Variants in RASA3 observed in about 807,000 individuals in gnomAD.
The protein encoded by RASA3 is ras GTPase-activating protein 3.
RASA3 carries 73 observed loss-of-function variants against 110.0 expected under a neutral mutation model. The ratio of observed to expected loss-of-function variants is 0.66; its 90% confidence interval spans 0.55 to 0.81. The LOEUF (loss-of-function observed/expected upper bound fraction) is 0.81, where lower values mean the gene tolerates loss of function less well. Ranked by LOEUF, RASA3 falls within the 30% of genes least tolerant of loss-of-function variation. The pLI is 0.00. For synonymous variants in RASA3, 500 were observed against 451.4 expected (o/e 1.11, Z -1.37); for missense variants, 976 against 1,113.2 (o/e 0.88, Z 1.75).
At chr13:114,117,227 G>A (rs113688462) in intron 1 of RASA3, among the ~76,000 whole-genome samples, 2 of 88,560 alleles carry the variant, frequency 2.3e-5, no homozygotes, top group Non-Finnish European at 5.3e-5. Context: ...TGTGTGAGGG[G>A]TGCATGTGTG....
chr13:114,050,049 G>A (rs2079118430), intron 3 of RASA3, among the ~76,000 whole-genome samples: 2 of 152,230 alleles, frequency 1.3e-5, no homozygotes, highest in Admixed American at 6.5e-5. Flanking sequence ...CCGGAGGCAG[G>A]AGGGAGAACT....
At chr13:114,122,896 G>C (rs1225372362) in intron 1 of RASA3, among the ~76,000 whole-genome samples, 2 of 152,190 alleles carry the variant, frequency 1.3e-5, no homozygotes, top group Non-Finnish European at 2.9e-5. Flanking sequence ...CCCAGCCAAC[G>C]CTGCATGAGA....
At chr13:114,050,752 CCTCT>C (rs143632562) in intron 3 of RASA3, among the ~76,000 whole-genome samples, 2 of 152,146 alleles carry the variant, frequency 1.3e-5, no homozygotes, top group Non-Finnish European at 2.9e-5. Context: ...TCTCATGCCC[CCTCT>C]CTCTCTCAAC....
intron 18 of RASA3, among the ~76,000 whole-genome samples, chr13:114,002,085 C>T (rs764005528): frequency 1.8e-4 from 28 of 152,232 alleles, no homozygotes; most frequent in African/African-American, 2.7e-4. Flanking sequence ...TGACCAGAAC[C>T]GGCGGCCGAG....
Position 114,015,192 on chromosome 13 carries a change from G to C in RASA3, c.1405+17C>G, listed in dbSNP as rs769594834. On this transcript the variant is annotated intron_variant, in intron 14 of 23. Coordinates refer to ENST00000334062, the MANE Select transcript of RASA3 (RefSeq NM_007368.4). ...ATGGCAGTTTCTCAGCAACATGAGG[G>C]TGTTCAGGGCACTCACCCTGGAAGC... The C allele has an allele frequency of 6.2e-7, 1 of 1,612,478 alleles. No homozygotes were observed. The highest frequency in any genetic ancestry group is 8.5e-7 in the Non-Finnish European group (1 of 1,179,892).
At chr13:114,077,645 C>T (rs1230025782) in intron 1 of RASA3, among the ~76,000 whole-genome samples, 2 of 147,262 alleles carry the variant, frequency 1.4e-5, no homozygotes, top group African/African-American at 2.5e-5. Flanking sequence ...ACCAACGCAC[C>T]GGATTCATCC....
In RASA3 at chr13:113,994,809, A is replaced by G. The variant is rs116608599; in HGVS notation, c.2141+1722T>C. Among the ~76,000 whole-genome samples, 947 of 152,308 alleles carry G rather than the reference A, an allele frequency of 6.2e-3. 11 individuals are homozygous for G. The highest frequency in any genetic ancestry group is 0.021 in the African/African-American group (891 of 41,554). ...AACGTGGTGAAACCCCGTTTCTACA[A>G]AAAACCTTAAAACAATTAGCCTGGA... is the stretch of plus-strand genomic sequence containing the variant. On this transcript the variant is annotated intron_variant, in intron 21 of 23. Transcript: ENST00000334062.
chr13:114,078,106 G>GGCT, intron 1 of RASA3: 1 of 722,036 alleles, frequency 1.4e-6, no homozygotes, highest in Non-Finnish European at 1.7e-6. Flanking sequence ...GGAGGGCTGG[G>GGCT]GCTGCTGCAG....
chr13:114,027,347 GTGCAGAGTTTC>G (rs1300839272), intron 7 of RASA3, 31 bp downstream of exon 7: 1 of 1,451,608 alleles, frequency 6.9e-7, no homozygotes, highest in Non-Finnish European at 9.7e-7. Context: ...CGTGTCTCGG[GTGCAGAGTTTC>G]CACTTAACGT....
intron 1 of RASA3, among the ~76,000 whole-genome samples, chr13:114,102,938 G>A (rs929583989): frequency 4.6e-5 from 7 of 151,274 alleles, no homozygotes; most frequent in African/African-American, 1.7e-4. Context: ...TCCAGCCCCA[G>A]GCAGGTGGGC....
Position 114,013,863 on chromosome 13 carries a change from C to CCT in RASA3, c.1406-617_1406-616dup, listed in dbSNP as rs148021593. On this transcript the variant is annotated intron_variant, in intron 14 of 23. Transcript: ENST00000334062. ...CTCTCTCCATCTCTCTGTCTCTCTC[C>CCT]CTGTCTCTCTCCCTATCTCTGTCTC... Among the ~76,000 whole-genome samples the CCT allele has an allele frequency of 2.4e-3, 297 of 122,770 alleles. 17 individuals carry two copies. Among genetic ancestry groups the CCT allele is most frequent in the Middle Eastern group, 6.7e-3 (1 of 150 alleles). The allele number at this position is 122,770 out of a possible 152,430, so 80.5% of individuals were successfully genotyped here. A position where few individuals can be genotyped will look rare whatever the true frequency, so the allele number is the denominator to read the frequency against.
Position 113,991,271 on chromosome 13 carries a change from A to T in RASA3, c.2245+1214T>A, listed in dbSNP as rs113815761. Among the ~76,000 whole-genome samples, 872 of 147,930 alleles carry T rather than the reference A, an allele frequency of 5.9e-3. 37 individuals carry two copies. The highest frequency in any genetic ancestry group is 0.017 in the African/African-American group (683 of 39,904). On this transcript the variant is annotated intron_variant, in intron 22 of 23. Coordinates refer to ENST00000334062, the MANE Select transcript of RASA3 (RefSeq NM_007368.4). ...CACCCAGGGCGTGTGGGGCTGGAGA[A>T]CAGGCGTGGCCAAGCTCACAGATGG...
chr13:114,093,720 T>C (rs376615331), intron 1 of RASA3, among the ~76,000 whole-genome samples: 19 of 152,318 alleles, frequency 1.2e-4, no homozygotes, highest in African/African-American at 4.3e-4. Flanking sequence ...CCCATAGATC[T>C]TGTAAGCTTT....
chr13:113,991,945 A>T (rs1211689331), intron 22 of RASA3, among the ~76,000 whole-genome samples: 3 of 150,590 alleles, frequency 2.0e-5, no homozygotes, highest in African/African-American at 7.3e-5. Context: ...CCATACATTC[A>T]CACACACTCA....
chr13:114,018,527 C>T (rs74116430), intron 10 of RASA3, among the ~76,000 whole-genome samples: 3 of 152,200 alleles, frequency 2.0e-5, no homozygotes, highest in African/African-American at 4.8e-5. Context: ...GGGTCCCCCT[C>T]GAACAACCCG....
chr13:114,112,452 T>C lies in RASA3; in HGVS notation c.55+19983A>G, dbSNP rs1399408684. On this transcript the variant is annotated intron_variant, in intron 1 of 23. Transcript: ENST00000334062. The surrounding 1 kb of genome is among the most constrained non-coding windows in gnomAD (Gnocchi z 4.8). ...ACTCTGCAGGAAGAGAATCACACTC[T>C]TTAGACCGGGGTCTCAGATTTCAGC... 6.6e-6 allele frequency among the ~76,000 whole-genome samples: 1 copy of C among 152,160 alleles called. No individual in the cohort carries two copies. The highest frequency in any genetic ancestry group is 2.4e-5 in the African/African-American group (1 of 41,418).
At chr13:114,116,773 C>A (rs1304276223) in intron 1 of RASA3, among the ~76,000 whole-genome samples, 1 of 128,028 alleles carries the variant, frequency 7.8e-6, no homozygotes, top group Non-Finnish European at 1.6e-5. Flanking sequence ...GAGGGGTGCA[C>A]GTGTGTGAAG....
At chr13:114,040,935 G>A in intron 4 of RASA3, 65 bp downstream of exon 4, 1 of 1,482,146 alleles carries the variant, frequency 6.7e-7, no homozygotes, top group Admixed American at 1.7e-5. Flanking sequence ...GTCGGAGCCG[G>A]GCCCGTCTCG....
rs567735515 is a variant in RASA3, at chr13:114,094,007, TTGTC to T, written c.56-20174_56-20171del. Among the ~76,000 whole-genome samples, 59 of 152,330 alleles carry T rather than the reference TTGTC, an allele frequency of 3.9e-4. 1 individual carries two copies. The highest frequency in any genetic ancestry group is 1.3e-3 in the African/African-American group (54 of 41,576). ...CCTGAAAACAGCTATTTTGAATCCT[TTGTC>T]TGAGAGATCACACATCTCCATCATC... On this transcript the variant is annotated intron_variant, in intron 1 of 23. Coordinates refer to ENST00000334062, the MANE Select transcript of RASA3 (RefSeq NM_007368.4).
Sources: allele counts gnomAD v4.1 joint callset (sites outside exome capture counted in the v4.1 genomes callset), GRCh38; gene constraint gnomAD v4.1.1; non-coding constraint Gnocchi (gnomAD v3.1); transcripts MANE v1.5; gene names NCBI Gene and HGNC (gene_info 2026-07-23, HGNC 2026-07-21).